Variants in IGSF11 observed in about 807,000 individuals in gnomAD.
IGSF11 encodes the protein immunoglobulin superfamily member 11, also known as CXADR like 1.
Under a neutral mutation model 41.0 loss-of-function variants are expected in IGSF11, and 22 were observed. The ratio of observed to expected loss-of-function variants is 0.54; its 90% CI spans 0.38 to 0.77. The LOEUF (loss-of-function observed/expected upper bound fraction) is 0.77. IGSF11 is among the 30% of genes least tolerant of loss of function. The pLI is 0.00. For synonymous variants in IGSF11, 219 were observed against 201.3 expected (o/e 1.09, Z -0.74); for missense variants, 444 against 530.8 (o/e 0.84, Z 1.61).
upstream of IGSF11, among the ~76,000 whole-genome samples, chr3:119,036,062 T>C (rs773834435): frequency 3.3e-5 from 5 of 152,236 alleles, no homozygotes; most frequent in Non-Finnish European, 7.3e-5. Context: ...ATGGATGTAC[T>C]TCTTTTTGAA....
chr3:119,068,191 T>C (rs1004191414), intron 1 of IGSF11, among the ~76,000 whole-genome samples: 1 of 152,230 alleles, frequency 6.6e-6, no homozygotes, highest in African/African-American at 2.4e-5. Flanking sequence ...AGAAAAGGCA[T>C]ACCAGCAGTG....
chr3:118,980,444 C>T (rs1934595726), intron 1 of IGSF11, among the ~76,000 whole-genome samples: 1 of 152,132 alleles, frequency 6.6e-6, no homozygotes, highest in Non-Finnish European at 1.5e-5. Flanking sequence ...TGTGTTCTCA[C>T]TCATACATGG....
chr3:118,948,228 T>C (rs1944304914), intron 1 of IGSF11: 1 of 152,240 alleles, frequency 6.6e-6, no homozygotes, highest in South Asian at 2.1e-4. Context: ...AAATGTATTT[T>C]GTATTGAAAA....
In IGSF11 at chr3:119,023,262, C is replaced by CAA. The variant is rs3049118; in HGVS notation, c.52+11267_52+11268dup. Reference sequence around the variant, plus strand: ...TGGGCGACAGAGCGAGACTCCGTCTCAAAAAAAAAAAAAAAAAAAAAAAAA... The same window carrying CAA: ...TGGGCGACAGAGCGAGACTCCGTCTCAAAAAAAAAAAAAAAAAAAAAAAAAAA... On this transcript the variant is annotated intron_variant, in intron 1 of 6. Coordinates refer to ENST00000393775, the MANE Select transcript of IGSF11 (RefSeq NM_001015887.3). Among the ~76,000 whole-genome samples, 127 of 60,276 alleles carry CAA rather than the reference C, an allele frequency of 2.1e-3. 9 individuals carry two copies. Among genetic ancestry groups the CAA allele is most frequent in the Admixed American group, 2.8e-3 (11 of 3,952 alleles). The allele number at this position is 60,276 out of a possible 152,430, so 39.5% of individuals were successfully genotyped here.
At chr3:119,120,470 G>GAA (rs1273277455) in intron 1 of IGSF11, among the ~76,000 whole-genome samples, 1 of 152,154 alleles carries the variant, frequency 6.6e-6, no homozygotes, top group Non-Finnish European at 1.5e-5. Flanking sequence ...AGAAGAGAGA[G>GAA]AAAAAAGGTT....
intron 1 of IGSF11, among the ~76,000 whole-genome samples, chr3:119,136,365 G>C (rs142852595): frequency 9.0e-4 from 137 of 152,102 alleles, no homozygotes; most frequent in African/African-American, 3.2e-3. Flanking sequence ...CAATAAAAAA[G>C]ACATACAGTG....
intron 1 of IGSF11, among the ~76,000 whole-genome samples, chr3:119,048,109 C>T (rs1239850760): frequency 6.6e-6 from 1 of 151,776 alleles, no homozygotes; most frequent in Non-Finnish European, 1.5e-5. Context: ...AGAGCAAACA[C>T]ATTCAAAAGC....
At chr3:119,089,234 A>G (rs1418597729) in intron 1 of IGSF11, among the ~76,000 whole-genome samples, 1 of 152,208 alleles carries the variant, frequency 6.6e-6, no homozygotes, top group East Asian at 1.9e-4. Flanking sequence ...ATACACGACA[A>G]TCAAGTAGGC....
At chr3:119,045,872 C>A (rs556845504) in intron 1 of IGSF11, among the ~76,000 whole-genome samples, 1 of 152,170 alleles carries the variant, frequency 6.6e-6, no homozygotes, top group East Asian at 1.9e-4. Flanking sequence ...AGGCACCCCC[C>A]AGCAGGGGCA....
At chr3:118,993,812 A>ATC (rs2107656268) in intron 1 of IGSF11, among the ~76,000 whole-genome samples, 1 of 152,334 alleles carries the variant, frequency 6.6e-6, no homozygotes, top group East Asian at 1.9e-4. Flanking sequence ...AGGCAAGTCT[A>ATC]TATAGATAGA....
At chr3:118,910,433 T>C (rs1476059300) in intron 4 of IGSF11, among the ~76,000 whole-genome samples, 1 of 152,184 alleles carries the variant, frequency 6.6e-6, no homozygotes, top group Non-Finnish European at 1.5e-5. Context: ...CTCTTGAATC[T>C]TACCCTCCCC....
intron 1 of IGSF11, among the ~76,000 whole-genome samples, chr3:119,043,157 C>A (rs1941187705): frequency 6.6e-6 from 1 of 152,166 alleles, no homozygotes; most frequent in Non-Finnish European, 1.5e-5. Flanking sequence ...AGCCTTTAGC[C>A]TGATTGTGCA....
intron 1 of IGSF11, among the ~76,000 whole-genome samples, chr3:118,948,933 C>A (rs1000083079): frequency 4.0e-5 from 6 of 149,262 alleles, no homozygotes; most frequent in Non-Finnish European, 7.4e-5. Flanking sequence ...GATCGCGCCA[C>A]TGCCCTCCAG....
chr3:118,914,314 C>T (rs1269230757), intron 4 of IGSF11, among the ~76,000 whole-genome samples: 3 of 151,930 alleles, frequency 2.0e-5, no homozygotes, highest in South Asian at 2.1e-4. Flanking sequence ...ACGCAGAAGA[C>T]GGGTGATTTC....
intron 1 of IGSF11, among the ~76,000 whole-genome samples, chr3:119,071,127 T>C (rs2076394118): frequency 6.6e-6 from 1 of 152,130 alleles, no homozygotes; most frequent in Admixed American, 6.5e-5. Flanking sequence ...ACCAGAATCA[T>C]AGAGCTTCTA....
chr3:118,954,881 G>A (rs999477428), intron 1 of IGSF11, among the ~76,000 whole-genome samples: 1 of 151,910 alleles, frequency 6.6e-6, no homozygotes, highest in Admixed American at 6.6e-5. Flanking sequence ...ACTCCTGCAA[G>A]AATGGCCATA....
At chr3:118,960,870 A>G (rs550302654) in intron 1 of IGSF11, among the ~76,000 whole-genome samples, 6 of 152,328 alleles carry the variant, frequency 3.9e-5, no homozygotes, top group South Asian at 2.1e-4. Flanking sequence ...TGATTTAATC[A>G]TCCTTGGGAA....
intron 1 of IGSF11, among the ~76,000 whole-genome samples, chr3:119,029,057 AAAC>A (rs1940110081): frequency 6.6e-6 from 1 of 152,122 alleles, no homozygotes; most frequent in Non-Finnish European, 1.5e-5. Flanking sequence ...AAAAAAAAGA[AAAC>A]AACAGTCTTC....
chr3:119,144,645 C>T (rs1231434331), intron 1 of IGSF11, among the ~76,000 whole-genome samples: 2 of 152,078 alleles, frequency 1.3e-5, no homozygotes, highest in Non-Finnish European at 2.9e-5. Flanking sequence ...GCAGCAAAAG[C>T]ATCAGCTCAG....
Sources: gnomAD v4.1 joint callset for allele counts (sites outside exome capture counted in the v4.1 genomes callset) on GRCh38, gnomAD v4.1.1 for gene constraint, MANE v1.5 for transcripts, NCBI Gene and HGNC (gene_info 2026-07-23, HGNC 2026-07-21) for gene names.